The following ARFGAP3 variants were observed in gnomAD, a reference collection of about 807,000 sequenced individuals.
ARFGAP3 encodes ARF GTPase activating protein 3.
In ARFGAP3, 72 loss-of-function variants were observed where a neutral mutation model predicts 75.0. The observed-to-expected ratio is 0.96, with a 90% CI of 0.79 to 1.17. The LOEUF is 1.17. ARFGAP3 is among the 50% of genes most tolerant of loss of function. ARFGAP3 has a pLI of 0.00. For synonymous variants in ARFGAP3, 221 were observed against 217.9 expected, an observed-to-expected ratio of 1.01 and a Z score of -0.13; for missense variants, 620 against 626.6, an observed-to-expected ratio of 0.99 and a Z score of 0.11.
chr22:42,842,304 CTTTTTTTT>C (rs58205841), intron 2 of ARFGAP3, among the ~76,000 whole-genome samples: 1 of 120,372 alleles, frequency 8.3e-6, no homozygotes, highest in Non-Finnish European at 1.6e-5. Flanking sequence ...CGTGCCTGGC[CTTTTTTTT>C]TTTTTTTTTT....
intron 7 of ARFGAP3, among the ~76,000 whole-genome samples, chr22:42,825,575 T>G (rs561907038): frequency 6.6e-6 from 1 of 151,360 alleles, no homozygotes; most frequent in African/African-American, 2.4e-5. Context: ...CTTGGGAGGC[T>G]GAGGCACGAG....
chr22:42,810,792 C>T (rs1925334118), intron 12 of ARFGAP3, 21 bp downstream of exon 12: 1 of 1,599,358 alleles, frequency 6.3e-7, no homozygotes, highest in African/African-American at 1.3e-5. Context: ...CTACTACAAC[C>T]CCACAGTTTT....
chr22:42,796,837 C>T lies in ARFGAP3; in HGVS notation c.*751G>A, dbSNP rs1165348129. Reference sequence around the variant, plus strand: ...AGCTGTATCTTCTTACCTCATTCCACTTTAACTCTGTATACCGTATTGATT... The same window carrying T: ...AGCTGTATCTTCTTACCTCATTCCATTTTAACTCTGTATACCGTATTGATT... On this transcript the variant is annotated 3_prime_UTR_variant, in exon 16 of 16. Transcript: ENST00000263245. The T allele has an allele frequency of 6.6e-6, 1 of 152,182 alleles. No homozygotes were observed. Among genetic ancestry groups the T allele is most frequent in the African/African-American group, 2.4e-5 (1 of 41,440 alleles). The allele number at this position is 152,182 out of a possible 1,614,324, so 9.4% of individuals were successfully genotyped here.
At chr22:42,842,451 T>C (rs1926828443) in intron 2 of ARFGAP3, among the ~76,000 whole-genome samples, 1 of 150,838 alleles carries the variant, frequency 6.6e-6, no homozygotes, top group African/African-American at 2.4e-5. Flanking sequence ...CAGTGAACCA[T>C]ACCTTTTTTT....
chr22:42,843,798 G>A (rs981724433), intron 2 of ARFGAP3, among the ~76,000 whole-genome samples: 1 of 152,200 alleles, frequency 6.6e-6, no homozygotes, highest in Non-Finnish European at 1.5e-5. Context: ...AACAGAGCTA[G>A]AGGGGAGGAG....
intron 14 of ARFGAP3, 171 bp from the exon 15 acceptor site, chr22:42,799,331 T>C (rs1602085750): frequency 1.3e-6 from 1 of 751,968 alleles, no homozygotes; most frequent in Non-Finnish European, 1.6e-6. Context: ...AGCCCTGCCA[T>C]GATCCACATG....
chr22:42,798,822 A>G (rs773284561), intron 15 of ARFGAP3, among the ~76,000 whole-genome samples: 2 of 152,240 alleles, frequency 1.3e-5, no homozygotes, highest in Non-Finnish European at 2.9e-5. Flanking sequence ...GGTCATGACA[A>G]TTCCTCTAAC....
chr22:42,829,011 A>G (rs1042580134), intron 6 of ARFGAP3, among the ~76,000 whole-genome samples: 2 of 152,228 alleles, frequency 1.3e-5, no homozygotes, highest in Non-Finnish European at 2.9e-5. Context: ...CTAATAAATT[A>G]TAATAGTGAA....
In ARFGAP3 at chr22:42,838,301, C is replaced by CT. The variant is rs1180613010; in HGVS notation, c.261+2642dup. Among the ~76,000 whole-genome samples, 703 of 98,848 alleles carry CT rather than the reference C, an allele frequency of 7.1e-3. 6 individuals carry two copies. The highest frequency in any genetic ancestry group is 0.024 in the African/African-American group (574 of 24,362). The allele number at this position is 98,848 out of a possible 152,430, so 64.8% of individuals were successfully genotyped here. ...ATATATATATATATATTTTTTTTTT[C>CT]TTTTTTTTTTTTCTGAGACAGGGTC... On this transcript the variant is annotated intron_variant, in intron 3 of 15. Transcript: ENST00000263245.
At chr22:42,809,837 A>C (rs1344729674) in intron 12 of ARFGAP3, among the ~76,000 whole-genome samples, 1 of 151,818 alleles carries the variant, frequency 6.6e-6, no homozygotes, top group Non-Finnish European at 1.5e-5. Flanking sequence ...CCCCGTCTCT[A>C]TTAAAAATAC....
At position 42,835,373 on chromosome 22, in the gene ARFGAP3, G is replaced by A. The variant is rs865793710; in HGVS notation, c.382C>T (p.His128Tyr). 1 of 1,613,986 alleles carries A rather than the reference G, an allele frequency of 6.2e-7. No individual in the cohort carries two copies. The highest frequency in any genetic ancestry group is 1.1e-5 in the South Asian group (1 of 91,078). ...KSLASQATRK[H>Y]GTDLWLDSCV... ...CTCCAGTGACTTACATCAGTGCCATGCTTCCGTGTTGCTTGAGAGGCGAGC... is the reference window on the plus strand; with the variant it reads ...CTCCAGTGACTTACATCAGTGCCATACTTCCGTGTTGCTTGAGAGGCGAGC... The change falls in exon 4 of 16, where the codon CAT becomes TAT. Residue 128 changes from histidine (H) to tyrosine (Y), a missense_variant. Transcript: ENST00000263245.
At chr22:42,807,344 A>G (rs1442770617) in intron 13 of ARFGAP3, 181 bp from the exon 14 acceptor site, 1 of 839,006 alleles carries the variant, frequency 1.2e-6, no homozygotes. Context: ...CATGTTCTGC[A>G]TGGGAGGCAG....
At chr22:42,804,011 C>A (rs966876233) in intron 14 of ARFGAP3, among the ~76,000 whole-genome samples, 4 of 149,564 alleles carry the variant, frequency 2.7e-5, no homozygotes, top group African/African-American at 9.9e-5. Context: ...TCAGGTCATC[C>A]TCCCACCTTA....
At position 42,817,179 on chromosome 22, in the gene ARFGAP3, C is replaced by T. The variant is rs1460174203; in HGVS notation, c.1027G>A (p.Asp343Asn). The change falls in exon 11 of 16, where the codon GAT becomes AAT. Residue 343 changes from aspartate (D) to asparagine (N), a missense_variant. Coordinates refer to ENST00000263245, the MANE Select transcript of ARFGAP3 (RefSeq NM_014570.5). ...GTAAAATATGAATCGTCACTGTCAT[C>T]ATTATACTTTTTTCTTGGTTTTGCC... ...IMAKPRKKYN[D>N]DSDDSYFTSS... is the part of the protein sequence containing the mutation. 3 of 1,613,514 alleles carry T rather than the reference C, an allele frequency of 1.9e-6. No homozygotes were observed. The South Asian group carries it at 3.3e-5, about 18-fold the overall frequency.
chr22:42,848,984 T>A (rs2146587141), intron 1 of ARFGAP3, among the ~76,000 whole-genome samples: 1 of 152,280 alleles, frequency 6.6e-6, no homozygotes. Context: ...CTTGGATCAC[T>A]AGCTCTAGGG....
chr22:42,818,082 A>G (rs1056318407), intron 9 of ARFGAP3: 2 of 183,022 alleles, frequency 1.1e-5, no homozygotes, highest in East Asian at 1.9e-4. Flanking sequence ...TGCTCAACCT[A>G]TACCACTGTT....
chr22:42,801,381 G>T (rs1336131125), intron 14 of ARFGAP3, among the ~76,000 whole-genome samples: 1 of 152,222 alleles, frequency 6.6e-6, no homozygotes, highest in Non-Finnish European at 1.5e-5. Context: ...GACAGGCCAG[G>T]TGACTCTGAG....
chr22:42,825,951 G>A (rs761116434), intron 7 of ARFGAP3, among the ~76,000 whole-genome samples: 37 of 152,122 alleles, frequency 2.4e-4, no homozygotes, highest in Non-Finnish European at 3.8e-4. Context: ...ATCTTTAGCC[G>A]TGAGTAGAGA....
chr22:42,810,234 G>A (rs370460785), intron 12 of ARFGAP3, among the ~76,000 whole-genome samples: 8 of 152,186 alleles, frequency 5.3e-5, no homozygotes, highest in Admixed American at 3.3e-4. Context: ...TTGGGAGGCC[G>A]AGGCAGGCGG....
Sources: allele counts gnomAD v4.1 joint callset (sites outside exome capture counted in the v4.1 genomes callset), GRCh38; gene constraint gnomAD v4.1.1; transcripts MANE v1.5; gene names NCBI Gene and HGNC (gene_info 2026-07-23, HGNC 2026-07-21).